Variants in FAM20C observed in about 807,000 individuals in gnomAD.
The protein encoded by FAM20C is extracellular serine/threonine protein kinase FAM20C.
In FAM20C, 40 loss-of-function variants were observed where a neutral mutation model predicts 51.5. That is an observed-to-expected ratio of 0.78 (90% CI 0.60 to 1.01). The LOEUF is 1.01. Ranked by LOEUF, FAM20C falls within the 50% of genes least tolerant of loss-of-function variation. FAM20C has a pLI of 0.00. For missense variants in FAM20C, 861 were observed against 844.7 expected (o/e 1.02, Z -0.24); for synonymous variants, 406 against 380.6 (o/e 1.07, Z -0.78).
rs768810351 is a variant in FAM20C at position 260,009 on chromosome 7, C to T, written c.*29C>T. Reference sequence around the variant, plus strand: ...CCGCCGGCCGCTGCGCTGCCCGGGACGGAGACAGAGGCGCCGGACCTCCCA... The same window carrying T: ...CCGCCGGCCGCTGCGCTGCCCGGGATGGAGACAGAGGCGCCGGACCTCCCA... On this transcript the variant is annotated 3_prime_UTR_variant, in exon 10 of 10. Coordinates refer to ENST00000313766, the MANE Select transcript of FAM20C (RefSeq NM_020223.4). The T allele has an allele frequency of 1.8e-5, 26 of 1,482,588 alleles. No homozygotes were observed. The highest frequency in any genetic ancestry group is 1.2e-4 in the South Asian group (9 of 77,704). The allele number at this position is 1,482,588 out of a possible 1,614,324, so 91.8% of individuals were successfully genotyped here. A position where few individuals can be genotyped will look rare whatever the true frequency, so the allele number is the denominator to read the frequency against.
intron 2 of FAM20C, among the ~76,000 whole-genome samples, chr7:201,082 T>A (rs1055915155): frequency 6.6e-6 from 1 of 152,216 alleles, no homozygotes; most frequent in African/African-American, 2.4e-5. Context: ...CAGGGTGACC[T>A]GAGCTCTCCC....
chr7:229,163 G>A (rs1380559779), intron 3 of FAM20C: 6 of 286,088 alleles, frequency 2.1e-5, no homozygotes, highest in Non-Finnish European at 4.2e-5. Context: ...CAGCACCTCC[G>A]GGTTTGTGTG....
At chr7:228,990 G>A (rs1583315684) in intron 3 of FAM20C, 6 of 372,866 alleles carry the variant, frequency 1.6e-5, no homozygotes, top group South Asian at 1.2e-4. Flanking sequence ...GCGACACCAG[G>A]ACCCGTAGTC....
At chr7:249,073 T>C (rs1232574943) in intron 5 of FAM20C, among the ~76,000 whole-genome samples, 1 of 152,266 alleles carries the variant, frequency 6.6e-6, no homozygotes, top group Non-Finnish European at 1.5e-5. Flanking sequence ...TCTTTGTTTA[T>C]TTTAACTGGT....
At chr7:207,483 C>T (rs1025968231) in intron 2 of FAM20C, among the ~76,000 whole-genome samples, 8 of 152,096 alleles carry the variant, frequency 5.3e-5, no homozygotes, top group East Asian at 1.9e-4. Context: ...CCCTGCCCCT[C>T]GCTCCGAGAG....
intron 3 of FAM20C, among the ~76,000 whole-genome samples, chr7:232,330 GC>G (rs1193732451): frequency 6.6e-6 from 1 of 152,188 alleles, no homozygotes; most frequent in African/African-American, 2.4e-5. Context: ...ACGCGGCCCA[GC>G]CCCCCACCTC....
intron 3 of FAM20C, among the ~76,000 whole-genome samples, chr7:240,700 T>C (rs1787920490): frequency 6.6e-6 from 1 of 152,180 alleles, no homozygotes; most frequent in African/African-American, 2.4e-5. Context: ...TGGCCAGGCA[T>C]GTGATCCAGA....
intron 3 of FAM20C, chr7:229,512 C>T (rs1300928338): frequency 1.3e-5 from 2 of 157,574 alleles, no homozygotes. Flanking sequence ...CGTCCTCACG[C>T]AAACAGTCCA....
At position 260,161 on chromosome 7, in the gene FAM20C, G is replaced by A; in HGVS notation, c.*181G>A. On this transcript the variant is annotated 3_prime_UTR_variant, in exon 10 of 10. Coordinates refer to ENST00000313766, the MANE Select transcript of FAM20C (RefSeq NM_020223.4). Reference sequence around the variant, plus strand: ...CATAGGACACATTTTGTCAGTGTTTGACCAGAAAAGCTTGGGAAGGAAGCG... The same window carrying A: ...CATAGGACACATTTTGTCAGTGTTTAACCAGAAAAGCTTGGGAAGGAAGCG... 1.1e-6 allele frequency: 1 copy of A among 877,956 alleles called. No individual in the cohort carries two copies. The highest frequency in any genetic ancestry group is 1.6e-6 in the Non-Finnish European group (1 of 626,180). The allele number at this position is 877,956 out of a possible 1,614,324, so 54.4% of individuals were successfully genotyped here.
At chr7:257,743 C>T (rs369679563) in intron 8 of FAM20C, among the ~76,000 whole-genome samples, 4 of 119,192 alleles carry the variant, frequency 3.4e-5, no homozygotes, top group Non-Finnish European at 7.0e-5. Context: ...GGACCCACTG[C>T]CTGGGGTGCT....
chr7:224,012 C>T (rs28667808), intron 3 of FAM20C, among the ~76,000 whole-genome samples: 67,896 of 150,510 alleles, frequency 0.45, 15,865 homozygotes, highest in South Asian at 0.61. Flanking sequence ...CCAGCACCAT[C>T]ACGGGGGTCG....
intron 3 of FAM20C, among the ~76,000 whole-genome samples, chr7:223,650 G>A (rs1335542832): frequency 6.6e-6 from 1 of 152,202 alleles, no homozygotes; most frequent in Non-Finnish European, 1.5e-5. Context: ...GGCACCTGGT[G>A]CCTGCAGAGG....
chr7:222,362 T>C (rs1787264560), intron 3 of FAM20C, among the ~76,000 whole-genome samples: 1 of 152,080 alleles, frequency 6.6e-6, no homozygotes, highest in Non-Finnish European at 1.5e-5. Context: ...AGTTGGGTAC[T>C]GAGAGCAGCT....
At chr7:241,579 T>TGTGTGC (rs1347984314) in intron 3 of FAM20C, among the ~76,000 whole-genome samples, 109 of 150,404 alleles carry the variant, frequency 7.2e-4, no homozygotes, top group African/African-American at 2.5e-3. Flanking sequence ...TGTGTGTGTG[T>TGTGTGC]GCACTCCTGC....
chr7:235,902 C>T (rs1167335956), intron 3 of FAM20C, among the ~76,000 whole-genome samples: 1 of 152,228 alleles, frequency 6.6e-6, no homozygotes, highest in African/African-American at 2.4e-5. Context: ...TGGGCGACTG[C>T]CCTGTCTCCC....
intron 3 of FAM20C, among the ~76,000 whole-genome samples, chr7:237,136 C>G (rs988521936): frequency 6.6e-6 from 1 of 152,216 alleles, no homozygotes; most frequent in Non-Finnish European, 1.5e-5. Flanking sequence ...ACTGCTTGTT[C>G]TGTGAACAGC....
At chr7:200,399 A>C (rs1786074919) in intron 2 of FAM20C, among the ~76,000 whole-genome samples, 1 of 152,216 alleles carries the variant, frequency 6.6e-6, no homozygotes, top group African/African-American at 2.4e-5. Context: ...GACGATTTCA[A>C]GTGGAGCCTG....
At chr7:227,567 A>AG (rs1360008060) in intron 3 of FAM20C, 1 of 40,738 alleles carries the variant, frequency 2.5e-5, no homozygotes, top group African/African-American at 1.0e-4. Flanking sequence ...AGTTAGTAGC[A>AG]GCTTACCCTT....
chr7:228,320 T>C (rs1379750243), intron 3 of FAM20C: 2 of 379,282 alleles, frequency 5.3e-6, no homozygotes, highest in Non-Finnish European at 1.1e-5. Flanking sequence ...GGCAGGTTCA[T>C]TGGAAAAGCT....
Sources: allele counts gnomAD v4.1 joint callset (sites outside exome capture counted in the v4.1 genomes callset), GRCh38; gene constraint gnomAD v4.1.1; transcripts MANE v1.5; gene names NCBI Gene and HGNC (gene_info 2026-07-23, HGNC 2026-07-21).